The following TYW1B variants were observed in gnomAD, a reference collection of about 807,000 sequenced individuals.
TYW1B encodes the protein tRNA-yW synthesizing protein 1 homolog B.
Under a neutral mutation model 86.9 loss-of-function variants are expected in TYW1B, and 73 were observed. That is an observed-to-expected ratio of 0.84 (90% CI 0.70 to 1.02). The LOEUF is 1.02. Among genes scored for constraint, TYW1B ranks in the 50% least tolerant of loss-of-function variants. The pLI, the probability that TYW1B is intolerant of heterozygous loss-of-function variation, is 0.00. For synonymous variants in TYW1B, 248 were observed against 292.8 expected (o/e 0.85, Z 1.56); for missense variants, 637 against 827.4 (o/e 0.77, Z 2.82).
chr7:72,651,102 A>C (rs1226912019), intron 11 of TYW1B, among the ~76,000 whole-genome samples: 3 of 152,230 alleles, frequency 2.0e-5, no homozygotes, highest in African/African-American at 7.2e-5. Context: ...CTATAAAGCT[A>C]TGCTAACTTA....
intron 11 of TYW1B, among the ~76,000 whole-genome samples, chr7:72,659,158 C>T (rs756492828): frequency 1.3e-5 from 2 of 152,214 alleles, no homozygotes; most frequent in Non-Finnish European, 2.9e-5. Context: ...AGAAAAATGA[C>T]CTCCCACCCC....
At chr7:72,618,672 T>C (rs1226860651) in intron 12 of TYW1B, among the ~76,000 whole-genome samples, 1 of 152,160 alleles carries the variant, frequency 6.6e-6, no homozygotes, top group Non-Finnish European at 1.5e-5. Flanking sequence ...TGATGGCCTT[T>C]GTGGAATATA....
At chr7:72,651,906 A>G (rs1554442854) in intron 11 of TYW1B, among the ~76,000 whole-genome samples, 1 of 152,206 alleles carries the variant, frequency 6.6e-6, no homozygotes, top group African/African-American at 2.4e-5. Flanking sequence ...AATAGACACA[A>G]ATTGGAAACA....
At chr7:72,788,632 A>C (rs1407915232) in intron 6 of TYW1B, among the ~76,000 whole-genome samples, 6 of 151,932 alleles carry the variant, frequency 3.9e-5, no homozygotes, top group African/African-American at 1.5e-4. Context: ...TCCGGGGTTC[A>C]AGCGATTCTC....
intron 13 of TYW1B, among the ~76,000 whole-genome samples, chr7:72,593,103 G>A (rs1811434741): frequency 9.3e-6 from 1 of 107,258 alleles, no homozygotes. Flanking sequence ...CCGAGTTCAA[G>A]ACCAGCCTGA....
chr7:72,815,991 TGCACTCTA>T (rs1554479346), intron 2 of TYW1B, among the ~76,000 whole-genome samples: 1 of 152,084 alleles, frequency 6.6e-6, no homozygotes, highest in African/African-American at 2.4e-5. Flanking sequence ...ATCACACCAA[TGCACTCTA>T]GCCTGGGCCA....
chr7:72,786,810 A>G (rs1788138009), intron 6 of TYW1B, among the ~76,000 whole-genome samples: 1 of 152,086 alleles, frequency 6.6e-6, no homozygotes, highest in Non-Finnish European at 1.5e-5. Flanking sequence ...CCTGAGCTCA[A>G]GCGATCCACC....
intron 11 of TYW1B, among the ~76,000 whole-genome samples, chr7:72,669,277 T>A (rs1813538726): frequency 6.6e-6 from 1 of 150,550 alleles, no homozygotes; most frequent in African/African-American, 2.4e-5. Flanking sequence ...CCCAAGTAGC[T>A]CAGATCACAG....
chr7:72,752,026 T>C (rs1221694374), intron 7 of TYW1B, among the ~76,000 whole-genome samples: 3 of 152,206 alleles, frequency 2.0e-5, no homozygotes, highest in African/African-American at 7.2e-5. Flanking sequence ...TTGTCTGGCT[T>C]ATGCCCTCTG....
intron 4 of TYW1B, 77 bp downstream of exon 4, chr7:72,810,392 TTG>T (rs1481132569): frequency 1.5e-4 from 17 of 113,108 alleles, no homozygotes; most frequent in African/African-American, 8.5e-4. Context: ...GCACGTGTGT[TTG>T]TGTGTGTGTA....
At chr7:72,579,908 C>T (rs1230584772) in intron 13 of TYW1B, among the ~76,000 whole-genome samples, 5 of 152,148 alleles carry the variant, frequency 3.3e-5, no homozygotes, top group South Asian at 2.1e-4. Flanking sequence ...ACCTTGATCT[C>T]CCAAAATGCT....
intron 11 of TYW1B, among the ~76,000 whole-genome samples, chr7:72,633,936 T>G (rs1554440359): frequency 6.6e-6 from 1 of 152,146 alleles, no homozygotes; most frequent in Admixed American, 6.6e-5. Context: ...TACATTCTTT[T>G]GTGTCTGGCT....
At chr7:72,741,536 C>A (rs1554462387) in intron 8 of TYW1B, among the ~76,000 whole-genome samples, 1 of 151,922 alleles carries the variant, frequency 6.6e-6, no homozygotes, top group Non-Finnish European at 1.5e-5. Context: ...AATAAAAGTT[C>A]CAGAAGGAGA....
chr7:72,603,519 T>A (rs1200045141), intron 13 of TYW1B, among the ~76,000 whole-genome samples: 1 of 152,166 alleles, frequency 6.6e-6, no homozygotes, highest in Non-Finnish European at 1.5e-5. Flanking sequence ...TACTCTGCCC[T>A]CAAGGACGGG....
intron 13 of TYW1B, among the ~76,000 whole-genome samples, chr7:72,596,546 G>C (rs1266721354): frequency 6.6e-6 from 1 of 152,002 alleles, no homozygotes; most frequent in Non-Finnish European, 1.5e-5. Flanking sequence ...AAAGGGCAGC[G>C]TCCTTAACAA....
intron 13 of TYW1B, among the ~76,000 whole-genome samples, chr7:72,609,033 G>A (rs1811868006): frequency 6.6e-6 from 1 of 152,178 alleles, no homozygotes; most frequent in Non-Finnish European, 1.5e-5. Flanking sequence ...TCCTGATTTT[G>A]ATAACGTACT....
intron 7 of TYW1B, among the ~76,000 whole-genome samples, chr7:72,745,145 C>T (rs1371465370): frequency 6.6e-6 from 1 of 152,192 alleles, no homozygotes; most frequent in Admixed American, 6.6e-5. Context: ...CTGCCTCAGA[C>T]TCTCAAGTAG....
At chr7:72,691,454 C>T (rs1481042328) in intron 11 of TYW1B, among the ~76,000 whole-genome samples, 2 of 152,214 alleles carry the variant, frequency 1.3e-5, no homozygotes, top group African/African-American at 4.8e-5. Flanking sequence ...TAAGTTACTG[C>T]ATTACTGTCA....
At chr7:72,650,385 T>C (rs1813030660) in intron 11 of TYW1B, among the ~76,000 whole-genome samples, 1 of 152,142 alleles carries the variant, frequency 6.6e-6, no homozygotes, top group Non-Finnish European at 1.5e-5. Context: ...GGTACAGCAC[T>C]CTACTTTATG....
Sources: allele counts gnomAD v4.1 joint callset (sites outside exome capture counted in the v4.1 genomes callset), GRCh38; gene constraint gnomAD v4.1.1; transcripts MANE v1.5; gene names NCBI Gene and HGNC (gene_info 2026-07-23, HGNC 2026-07-21).